IMMP2L: variants seen among roughly 807,000 people sequenced by gnomAD.
The protein encoded by IMMP2L is mitochondrial inner membrane protease subunit 2.
A neutral mutation model predicts 19.3 loss-of-function variants in IMMP2L; 18 were observed. The ratio of observed to expected loss-of-function variants is 0.93; its 90% CI spans 0.64 to 1.38. The LOEUF is 1.38. Ranked by LOEUF, IMMP2L falls within the 40% of genes most tolerant of loss-of-function variation. The pLI, the probability that IMMP2L is intolerant of heterozygous loss-of-function variation, is 0.00. For synonymous variants in IMMP2L, 76 were observed against 73.0 expected, an observed-to-expected ratio of 1.04 and a Z score of -0.21; for missense variants, 233 against 218.2, an observed-to-expected ratio of 1.07 and a Z score of -0.43.
At chr7:111,489,056 T>C (rs1181497547) in intron 2 of IMMP2L, among the ~76,000 whole-genome samples, 2 of 143,506 alleles carry the variant, frequency 1.4e-5, no homozygotes, top group Non-Finnish European at 3.0e-5. Context: ...TTTTTTTTTT[T>C]TTTTTGAGAT....
chr7:111,392,948 A>G (rs1316555229), intron 3 of IMMP2L: 1 of 417,342 alleles, frequency 2.4e-6, no homozygotes, highest in Admixed American at 2.9e-5. Flanking sequence ...GTGTTCGCCA[A>G]TTATAAAAGT....
chr7:111,206,606 G>A (rs1810735420), intron 3 of IMMP2L, among the ~76,000 whole-genome samples: 1 of 151,866 alleles, frequency 6.6e-6, no homozygotes, highest in South Asian at 2.1e-4. Flanking sequence ...ATAACATAAG[G>A]ATAAATGGAA....
chr7:111,000,873 T>A (rs1038020357), intron 3 of IMMP2L, among the ~76,000 whole-genome samples: 3 of 151,542 alleles, frequency 2.0e-5, no homozygotes, highest in African/African-American at 7.3e-5. Flanking sequence ...AGATGGATGA[T>A]TCCCTATGGT....
At chr7:111,352,343 G>T (rs1215861231) in intron 3 of IMMP2L, among the ~76,000 whole-genome samples, 2 of 150,766 alleles carry the variant, frequency 1.3e-5, no homozygotes, top group African/African-American at 4.9e-5. Flanking sequence ...GGTAATGCAG[G>T]TACATGCCAC....
intron 3 of IMMP2L, among the ~76,000 whole-genome samples, chr7:111,066,082 A>T (rs1452818650): frequency 1.3e-5 from 2 of 150,862 alleles, no homozygotes; most frequent in African/African-American, 4.9e-5. Context: ...GGGTTCAAGC[A>T]ATTCTCCTAC....
At chr7:110,778,265 C>A (rs73716408) in intron 5 of IMMP2L, among the ~76,000 whole-genome samples, 18,607 of 151,568 alleles carry the variant, frequency 0.12, 1,372 homozygotes, top group African/African-American at 0.21. Flanking sequence ...ACATATGTGA[C>A]CAAATATAAA....
chr7:111,344,024 A>AT (rs1827289515), intron 3 of IMMP2L, among the ~76,000 whole-genome samples: 1 of 151,836 alleles, frequency 6.6e-6, no homozygotes, highest in Non-Finnish European at 1.5e-5. Context: ...ACTTATCTCC[A>AT]TTTTTTCTAT....
At chr7:110,706,435 C>G (rs538688377) in intron 5 of IMMP2L, among the ~76,000 whole-genome samples, 3 of 152,294 alleles carry the variant, frequency 2.0e-5, no homozygotes, top group South Asian at 4.1e-4. Flanking sequence ...AATATCCAAA[C>G]TGCTTTCCAC....
intron 5 of IMMP2L, among the ~76,000 whole-genome samples, chr7:110,713,678 T>C (rs1192577300): frequency 6.6e-6 from 1 of 151,676 alleles, no homozygotes; most frequent in African/African-American, 2.4e-5. Flanking sequence ...AGTTTTTGTT[T>C]GTTTTTGTTT....
intron 3 of IMMP2L, among the ~76,000 whole-genome samples, chr7:111,290,560 C>G (rs1043749218): frequency 7.3e-5 from 11 of 151,638 alleles, no homozygotes; most frequent in Admixed American, 5.9e-4. Flanking sequence ...TGTCAGAGGT[C>G]AGCAACCTTG....
intron 4 of IMMP2L, among the ~76,000 whole-genome samples, chr7:110,958,094 A>T (rs1291602071): frequency 6.6e-6 from 1 of 151,984 alleles, no homozygotes; most frequent in Non-Finnish European, 1.5e-5. Flanking sequence ...ATTTAACCTG[A>T]TCACCCAAAA....
intron 3 of IMMP2L, among the ~76,000 whole-genome samples, chr7:111,033,787 T>C (rs1230701368): frequency 6.6e-6 from 1 of 152,188 alleles, no homozygotes; most frequent in African/African-American, 2.4e-5. Context: ...AACATATCAA[T>C]ACAAAAACTT....
At chr7:110,882,287 G>GCCTGCCTGCCTGCCTGCCTT (rs1387853201) in intron 5 of IMMP2L, among the ~76,000 whole-genome samples, 1 of 122,068 alleles carries the variant, frequency 8.2e-6, no homozygotes, top group African/African-American at 3.3e-5. Flanking sequence ...TTTGTCAAGT[G>GCCTGCCTGCCTGCCTGCCTT]CCTTCCTTCC....
rs183340452 is a variant in IMMP2L, at chr7:111,321,822, A to G, written c.239+165416T>C. On this transcript the variant is annotated intron_variant, in intron 3 of 5. Transcript: ENST00000405709. The stretch of plus-strand genomic sequence containing the variant: ...TTAAAAGGAATGGAACTACAGAGTG[A>G]TAAGTATAGAAAAGTTCAGCATGTC... 2.6e-5 allele frequency among the ~76,000 whole-genome samples: 4 copies of G among 152,152 alleles called. No homozygotes were observed. The East Asian group carries it at 7.7e-4, about 29-fold the overall frequency.
At chr7:110,814,153 A>C (rs186723656) in intron 5 of IMMP2L, among the ~76,000 whole-genome samples, 2 of 152,126 alleles carry the variant, frequency 1.3e-5, no homozygotes, top group African/African-American at 4.8e-5. Context: ...TTTCAGGAGC[A>C]GTTCTAAACG....
At chr7:111,288,973 G>C (rs940481535) in intron 3 of IMMP2L, among the ~76,000 whole-genome samples, 6 of 152,136 alleles carry the variant, frequency 3.9e-5, no homozygotes, top group Non-Finnish European at 5.9e-5. Flanking sequence ...GCACACATAT[G>C]TTTATTGCGG....
intron 5 of IMMP2L, among the ~76,000 whole-genome samples, chr7:110,851,076 A>C (rs1316949228): frequency 1.3e-5 from 2 of 152,152 alleles, no homozygotes; most frequent in Non-Finnish European, 2.9e-5. Context: ...ATTAAGTCTA[A>C]TGTATGAGGT....
chr7:111,142,304 C>T (rs570693246), intron 3 of IMMP2L, among the ~76,000 whole-genome samples: 97 of 131,134 alleles, frequency 7.4e-4, no homozygotes, highest in African/African-American at 2.9e-3. Flanking sequence ...CCAGCCTGGG[C>T]AACAGGGTGA....
chr7:111,072,035 T>C (rs369903846), intron 3 of IMMP2L, among the ~76,000 whole-genome samples: 2 of 152,162 alleles, frequency 1.3e-5, no homozygotes, highest in South Asian at 2.1e-4. Context: ...CAGCCAAATA[T>C]AGGGCAATTT....
Sources: allele counts gnomAD v4.1 joint callset (sites outside exome capture counted in the v4.1 genomes callset), GRCh38; gene constraint gnomAD v4.1.1; transcripts MANE v1.5; gene names NCBI Gene and HGNC (gene_info 2026-07-23, HGNC 2026-07-21).